The following PTPN4 variants were observed in gnomAD, a reference collection of about 807,000 sequenced individuals.
The protein encoded by PTPN4 is protein tyrosine phosphatase non-receptor type 4.
Under a neutral mutation model 135.5 loss-of-function variants are expected in PTPN4, and 49 were observed. The observed-to-expected ratio is 0.36, with a 90% CI of 0.29 to 0.46. The LOEUF (loss-of-function observed/expected upper bound fraction) is 0.46, where lower values mean the gene tolerates loss of function less well. Among genes scored for constraint, PTPN4 ranks in the 20% least tolerant of loss-of-function variants. The pLI is 1.00. For missense variants in PTPN4, 860 were observed against 1,101.0 expected, an observed-to-expected ratio of 0.78 and a Z score of 3.10; for synonymous variants, 333 against 369.9, an observed-to-expected ratio of 0.90 and a Z score of 1.14.
intron 2 of PTPN4, among the ~76,000 whole-genome samples, chr2:119,849,531 G>A (rs1437140172): frequency 1.3e-5 from 2 of 152,020 alleles, no homozygotes; most frequent in Non-Finnish European, 2.9e-5. Flanking sequence ...CGAACTCCTG[G>A]GCTCAAGCAA....
intron 2 of PTPN4, among the ~76,000 whole-genome samples, chr2:119,820,003 G>A (rs1677040785): frequency 6.6e-6 from 1 of 151,898 alleles, no homozygotes. Context: ...CTGAGACTAC[G>A]GGCATGCGCC....
At chr2:119,830,390 C>G (rs553781049) in intron 2 of PTPN4, among the ~76,000 whole-genome samples, 50 of 152,088 alleles carry the variant, frequency 3.3e-4, no homozygotes, top group Non-Finnish European at 5.7e-4. Flanking sequence ...GGTGGTTTCT[C>G]ATGAATGGCT....
chr2:119,794,965 A>G (rs895585964), intron 1 of PTPN4, among the ~76,000 whole-genome samples: 2 of 152,202 alleles, frequency 1.3e-5, no homozygotes, highest in Non-Finnish European at 2.9e-5. Flanking sequence ...AGCTCTCAGC[A>G]GAAAGGGTAG....
At chr2:119,797,324 G>A (rs1691280524) in intron 1 of PTPN4, among the ~76,000 whole-genome samples, 1 of 152,188 alleles carries the variant, frequency 6.6e-6, no homozygotes, top group African/African-American at 2.4e-5. Context: ...TTCCATTGAT[G>A]TGTTGTCTTA....
chr2:119,868,274 C>G (rs1180033303), intron 3 of PTPN4, among the ~76,000 whole-genome samples: 2 of 152,086 alleles, frequency 1.3e-5, no homozygotes, highest in African/African-American at 2.4e-5. Context: ...AGTAGTATAT[C>G]CAGTGAAGTA....
At chr2:119,931,000 A>T (rs1472053441) in intron 13 of PTPN4, among the ~76,000 whole-genome samples, 1 of 152,126 alleles carries the variant, frequency 6.6e-6, no homozygotes, top group Non-Finnish European at 1.5e-5. Flanking sequence ...CTTATTAACT[A>T]TAACCAAAAA....
intron 2 of PTPN4, among the ~76,000 whole-genome samples, chr2:119,812,061 G>A (rs868494003): frequency 2.0e-5 from 3 of 152,208 alleles, no homozygotes; most frequent in African/African-American, 7.2e-5. Flanking sequence ...ATGAAAAATT[G>A]CTGGTTATGT....
intron 22 of PTPN4, among the ~76,000 whole-genome samples, chr2:119,959,668 C>A (rs1445558443): frequency 6.6e-6 from 1 of 152,174 alleles, no homozygotes; most frequent in African/African-American, 2.4e-5. Flanking sequence ...AGTACATATA[C>A]TATAATAAGT....
chr2:119,940,636 A>G (rs1390976491), intron 15 of PTPN4, among the ~76,000 whole-genome samples: 1 of 152,096 alleles, frequency 6.6e-6, no homozygotes, highest in Non-Finnish European at 1.5e-5. Context: ...TTTTAAAAAA[A>G]TTTTTTGTAG....
intron 10 of PTPN4, among the ~76,000 whole-genome samples, chr2:119,901,256 C>T (rs1678399486): frequency 6.6e-6 from 1 of 152,202 alleles, no homozygotes; most frequent in East Asian, 1.9e-4. Context: ...CACTAAACCA[C>T]TAAGACCTAA....
At chr2:119,931,331 T>C (rs1178593740) in intron 13 of PTPN4, among the ~76,000 whole-genome samples, 3 of 152,158 alleles carry the variant, frequency 2.0e-5, no homozygotes, top group African/African-American at 7.2e-5. Context: ...AAAAATACTT[T>C]ATTTGTTAAC....
intron 1 of PTPN4, among the ~76,000 whole-genome samples, chr2:119,772,722 A>G (rs372593278): frequency 2.0e-5 from 3 of 152,126 alleles, no homozygotes; most frequent in East Asian, 3.9e-4. Context: ...TATTTTTGGT[A>G]GAGACGGGGT....
intron 13 of PTPN4, chr2:119,932,194 G>T: frequency 1.9e-5 from 5 of 263,572 alleles, no homozygotes; most frequent in Non-Finnish European, 3.5e-5. Flanking sequence ...CCTTCTTATT[G>T]TCTATCTTAC....
chr2:119,876,543 G>A (rs1374309813), intron 3 of PTPN4, among the ~76,000 whole-genome samples: 1 of 151,946 alleles, frequency 6.6e-6, no homozygotes, highest in East Asian at 1.9e-4. Context: ...TATAAATAAT[G>A]ATACATAAAC....
chr2:119,818,845 G>T (rs1677025687), intron 2 of PTPN4, among the ~76,000 whole-genome samples: 1 of 152,098 alleles, frequency 6.6e-6, no homozygotes, highest in Non-Finnish European at 1.5e-5. Flanking sequence ...TTTGTCTAGG[G>T]TCTCAACTAA....
chr2:119,893,200 G>C (rs1440203298), intron 9 of PTPN4, among the ~76,000 whole-genome samples: 3 of 152,144 alleles, frequency 2.0e-5, no homozygotes, highest in Admixed American at 6.5e-5. Context: ...CCAGGTGAAA[G>C]GTAATGGTTC....
chr2:119,778,927 G>T (rs901730333), intron 1 of PTPN4, among the ~76,000 whole-genome samples: 6 of 152,056 alleles, frequency 3.9e-5, no homozygotes, highest in Admixed American at 1.3e-4. Context: ...CTTTGTTGTC[G>T]TATACCATTT....
intron 2 of PTPN4, among the ~76,000 whole-genome samples, chr2:119,831,520 C>T (rs1035306841): frequency 1.3e-5 from 2 of 152,068 alleles, no homozygotes; most frequent in African/African-American, 4.8e-5. Context: ...GTGAGTTCTC[C>T]AACATTCTTT....
At chr2:119,896,545 G>A (rs755485369) in intron 9 of PTPN4, among the ~76,000 whole-genome samples, 5 of 152,120 alleles carry the variant, frequency 3.3e-5, no homozygotes, top group Non-Finnish European at 1.5e-5. Context: ...TTCAGGTGGT[G>A]CATAATGCCT....
Sources: gnomAD v4.1 joint callset for allele counts (sites outside exome capture counted in the v4.1 genomes callset) on GRCh38, gnomAD v4.1.1 for gene constraint, MANE v1.5 for transcripts, NCBI Gene and HGNC (gene_info 2026-07-23, HGNC 2026-07-21) for gene names.